TMCC1: variants seen among roughly 807,000 people sequenced by gnomAD.
TMCC1 encodes the protein transmembrane and coiled-coil domains protein 1.
A neutral mutation model predicts 52.4 loss-of-function variants in TMCC1; 15 were observed. The ratio of observed to expected loss-of-function variants is 0.29; its 90% CI spans 0.19 to 0.44. The LOEUF (loss-of-function observed/expected upper bound fraction) is 0.44. Ranked by LOEUF, TMCC1 falls within the 20% of genes least tolerant of loss-of-function variation. TMCC1 has a pLI of 1.00. For synonymous variants in TMCC1, 279 were observed against 301.9 expected (o/e 0.92, Z 0.79); for missense variants, 503 against 806.0 (o/e 0.62, Z 4.55).
chr3:129,685,603 TA>T (rs2089342963), intron 4 of TMCC1, among the ~76,000 whole-genome samples: 1 of 152,098 alleles, frequency 6.6e-6, no homozygotes, highest in Admixed American at 6.6e-5. Flanking sequence ...GACGAGGCTG[TA>T]AAATAATGGC....
At chr3:129,859,002 T>C (rs1211991830) in intron 2 of TMCC1, among the ~76,000 whole-genome samples, 1 of 152,194 alleles carries the variant, frequency 6.6e-6, no homozygotes, top group African/African-American at 2.4e-5. Context: ...TTGAAGCAAT[T>C]AATATAAACA....
intron 4 of TMCC1, among the ~76,000 whole-genome samples, chr3:129,693,763 A>G (rs934490696): frequency 3.3e-5 from 5 of 152,192 alleles, no homozygotes; most frequent in African/African-American, 9.7e-5. Flanking sequence ...TGTGATCTGA[A>G]TAAAACATTA....
chr3:129,743,587 C>T (rs984519820), intron 4 of TMCC1, among the ~76,000 whole-genome samples: 11 of 152,098 alleles, frequency 7.2e-5, no homozygotes, highest in Non-Finnish European at 1.5e-4. Flanking sequence ...ATGGAATATG[C>T]ATGACTGATA....
chr3:129,692,493 G>C (rs2047093674), intron 4 of TMCC1, among the ~76,000 whole-genome samples: 1 of 152,162 alleles, frequency 6.6e-6, no homozygotes, highest in Non-Finnish European at 1.5e-5. Context: ...TATGCTATTA[G>C]AGTGGTTATA....
intron 4 of TMCC1, 94 bp from the exon 5 acceptor site, chr3:129,671,358 C>A (rs878885486): frequency 1.5e-6 from 2 of 1,291,848 alleles, no homozygotes; most frequent in Admixed American, 5.4e-5. Flanking sequence ...TGTCTACTCT[C>A]AAATCTCAGT....
At position 129,782,445 on chromosome 3, in the gene TMCC1, G is replaced by A. The variant is rs545672951; in HGVS notation, c.576+45358C>T. The stretch of plus-strand genomic sequence containing the variant: ...GTAAAAGGTTGCTGAAAACTAAGAT[G>A]AGAACTAAGAATTGAAAACTGGATT... On this transcript the variant is annotated intron_variant, in intron 4 of 6. Transcript: ENST00000393238. 7.2e-5 allele frequency among the ~76,000 whole-genome samples: 11 copies of A among 152,272 alleles called. No homozygotes were observed. In the South Asian group the frequency reaches 2.3e-3, roughly 32 times the overall value.
chr3:129,884,114 T>G (rs1344354832), intron 1 of TMCC1, among the ~76,000 whole-genome samples: 2 of 152,090 alleles, frequency 1.3e-5, no homozygotes, highest in Non-Finnish European at 2.9e-5. Context: ...ACTAAAAGGA[T>G]TCATTGTCAG....
At chr3:129,688,563 G>A in intron 4 of TMCC1, 2 of 985,524 alleles carry the variant, frequency 2.0e-6, no homozygotes, top group South Asian at 4.7e-5. Context: ...CCTCCGCAGT[G>A]CCCACCTCAG....
intron 4 of TMCC1, among the ~76,000 whole-genome samples, chr3:129,716,158 T>C (rs1302821938): frequency 3.6e-5 from 1 of 27,882 alleles, no homozygotes; most frequent in Non-Finnish European, 6.4e-5. Flanking sequence ...TTTTTTTCTT[T>C]TTTCTTTGTT....
At chr3:129,865,735 A>G (rs1250354487) in intron 2 of TMCC1, among the ~76,000 whole-genome samples, 1 of 152,238 alleles carries the variant, frequency 6.6e-6, no homozygotes, top group Admixed American at 6.5e-5. Context: ...AGTAAAAAAG[A>G]AAGAAATTAA....
At chr3:129,825,324 C>T (rs1279581300) in intron 4 of TMCC1, among the ~76,000 whole-genome samples, 1 of 152,192 alleles carries the variant, frequency 6.6e-6, no homozygotes, top group African/African-American at 2.4e-5. Flanking sequence ...CCAGGCATTA[C>T]AAAAATTTCC....
chr3:129,701,181 G>A (rs569109745), intron 4 of TMCC1, among the ~76,000 whole-genome samples: 19 of 152,250 alleles, frequency 1.2e-4, no homozygotes, highest in African/African-American at 4.1e-4. Context: ...CAAAAGATGG[G>A]AAAATAAAAG....
At position 129,846,870 on chromosome 3, in the gene TMCC1, A is replaced by T. The variant is rs1353030227; in HGVS notation, c.-183-14044T>A. Among the ~76,000 whole-genome samples, 27 of 8,184 alleles carry T rather than the reference A, an allele frequency of 3.3e-3. No individual in the cohort carries two copies. In the South Asian group the frequency reaches 0.058, roughly 18 times the overall value. 5.4% of individuals were successfully genotyped at this position (8,184 alleles called of 152,430 possible). A position where few individuals can be genotyped will look rare whatever the true frequency, so the allele number is the denominator to read the frequency against. On this transcript the variant is annotated intron_variant, in intron 2 of 6. Transcript: ENST00000393238. ...ATAGCAAGACCTCAATCTCTACTAA[A>T]AAAAAAAAAAAAAAAAAAAAAAAAG...
intron 4 of TMCC1, among the ~76,000 whole-genome samples, chr3:129,703,738 G>A (rs1178499565): frequency 6.6e-6 from 1 of 152,160 alleles, no homozygotes; most frequent in Non-Finnish European, 1.5e-5. Flanking sequence ...TAAAAATACT[G>A]TTGAATGAGT....
chr3:129,657,758 A>G (rs1197335167), intron 5 of TMCC1, among the ~76,000 whole-genome samples: 3 of 152,228 alleles, frequency 2.0e-5, no homozygotes, highest in Non-Finnish European at 4.4e-5. Context: ...TAAAAAGATA[A>G]GAGTTGGTGA....
At chr3:129,779,859 G>A (rs1341632962) in intron 4 of TMCC1, among the ~76,000 whole-genome samples, 1 of 152,086 alleles carries the variant, frequency 6.6e-6, no homozygotes, top group Non-Finnish European at 1.5e-5. Flanking sequence ...CTTCAATCTT[G>A]AGTTATCAAT....
At chr3:129,692,749 T>C (rs755942551) in intron 4 of TMCC1, among the ~76,000 whole-genome samples, 2 of 152,202 alleles carry the variant, frequency 1.3e-5, no homozygotes, top group Non-Finnish European at 1.5e-5. Context: ...AAATATAAGG[T>C]GTAAGTCTTT....
At chr3:129,652,467 C>A (rs1411740544) in intron 6 of TMCC1, among the ~76,000 whole-genome samples, 1 of 152,028 alleles carries the variant, frequency 6.6e-6, no homozygotes, top group Non-Finnish European at 1.5e-5. Context: ...AAATGACCAG[C>A]ATTAATGTGA....
intron 4 of TMCC1, among the ~76,000 whole-genome samples, chr3:129,694,891 T>G (rs2047285908): frequency 6.6e-6 from 1 of 151,944 alleles, no homozygotes; most frequent in African/African-American, 2.4e-5. Flanking sequence ...TTATTTCTTG[T>G]GCGAGATCCA....
Sources: allele counts gnomAD v4.1 joint callset (sites outside exome capture counted in the v4.1 genomes callset), GRCh38; gene constraint gnomAD v4.1.1; transcripts MANE v1.5; gene names NCBI Gene and HGNC (gene_info 2026-07-23, HGNC 2026-07-21).